Variants in MAP1B observed in about 807,000 individuals in gnomAD.
MAP1B encodes the protein microtubule associated protein 1B.
Under a neutral mutation model 176.1 loss-of-function variants are expected in MAP1B, and 12 were observed. The ratio of observed to expected loss-of-function variants is 0.07; its 90% CI spans 0.04 to 0.11. The LOEUF (loss-of-function observed/expected upper bound fraction) is 0.11. MAP1B is among the 10% of genes least tolerant of loss of function. The probability of loss-of-function intolerance (pLI) is 1.00; values close to 1 mark genes in which losing one functional copy is unlikely to be tolerated. For synonymous variants in MAP1B, 1,044 were observed against 1,135.0 expected (o/e 0.92, Z 1.61); for missense variants, 2,523 against 2,990.5 (o/e 0.84, Z 3.65).
chr5:72,114,162 GT>G (rs1745393799), intron 1 of MAP1B, among the ~76,000 whole-genome samples: 1 of 152,014 alleles, frequency 6.6e-6, no homozygotes, highest in African/African-American at 2.4e-5. Context: ...GAAAAGGTCT[GT>G]GGTGTGTAAT....
intron 2 of MAP1B, chr5:72,180,009 C>CTTCTT: frequency 2.4e-6 from 2 of 831,582 alleles, no homozygotes; most frequent in Non-Finnish European, 2.9e-6. Flanking sequence ...TGCCAGGGGC[C>CTTCTT]ACCTCGGCAG....
At chr5:72,154,758 G>A (rs1269675545) in intron 2 of MAP1B, among the ~76,000 whole-genome samples, 1 of 152,226 alleles carries the variant, frequency 6.6e-6, no homozygotes, top group African/African-American at 2.4e-5. Context: ...TAGTTCTGGA[G>A]ATTCCAGTAG....
At chr5:72,185,459 G>A (rs887777844) in intron 3 of MAP1B, among the ~76,000 whole-genome samples, 1 of 152,154 alleles carries the variant, frequency 6.6e-6, no homozygotes, top group Non-Finnish European at 1.5e-5. Flanking sequence ...GCCGGGCATG[G>A]TGTTGCATGC....
At chr5:72,188,603 T>A (rs2112221807) in intron 4 of MAP1B, among the ~76,000 whole-genome samples, 1 of 152,192 alleles carries the variant, frequency 6.6e-6, no homozygotes, top group East Asian at 1.9e-4. Flanking sequence ...ATAATATCCC[T>A]CCTTCCCCTT....
intron 2 of MAP1B, among the ~76,000 whole-genome samples, chr5:72,118,585 C>CCAGG (rs1745472177): frequency 6.6e-6 from 1 of 151,878 alleles, no homozygotes; most frequent in Non-Finnish European, 1.5e-5. Flanking sequence ...TGCATCAAAT[C>CCAGG]CAGGCTTCAA....
In MAP1B at chr5:72,194,852, G is replaced by A. The variant is rs2112232721; in HGVS notation, c.1497G>A (p.Leu499=). The part of the protein sequence containing the change: ...FPGNSTQYNI[L]EGLEKLKHLD... ...GGAACAGCACCCAGTACAACATCCT[G>A]GAAGGGTTGGAAAAGCTCAAACATC... Residue 499 remains leucine, a synonymous_variant, in exon 5 of 7, where the codon CTG becomes CTA. Transcript: ENST00000296755. The surrounding 1 kb of genome is among the most constrained non-coding windows in gnomAD (Gnocchi z 7.2). 1.2e-6 allele frequency: 2 copies of A among 1,614,146 alleles called. No homozygotes were observed. Among genetic ancestry groups the A allele is most frequent in the Non-Finnish European group, 1.7e-6 (2 of 1,180,024 alleles).
At chr5:72,175,966 A>G (rs928859121) in intron 2 of MAP1B, among the ~76,000 whole-genome samples, 2 of 152,256 alleles carry the variant, frequency 1.3e-5, no homozygotes, top group African/African-American at 4.8e-5. Context: ...GAGTTTTTTT[A>G]TTCTCTTAAG....
At chr5:72,184,188 C>T (rs948892940) in intron 3 of MAP1B, among the ~76,000 whole-genome samples, 1 of 152,188 alleles carries the variant, frequency 6.6e-6, no homozygotes, top group African/African-American at 2.4e-5. Context: ...ACATACAGGG[C>T]AAACCTGGAG....
intron 2 of MAP1B, among the ~76,000 whole-genome samples, chr5:72,151,772 T>A (rs1746144674): frequency 6.6e-6 from 1 of 152,232 alleles, no homozygotes; most frequent in East Asian, 1.9e-4. Flanking sequence ...CTCTCTGTGT[T>A]TTTTACAGTT....
At position 72,196,402 on chromosome 5, in the gene MAP1B, C is replaced by A. The variant is rs760583724; in HGVS notation, c.3047C>A (p.Ser1016Tyr). 2 of 1,613,926 alleles carry A rather than the reference C, an allele frequency of 1.2e-6. No homozygotes were observed. Among genetic ancestry groups the A allele is most frequent in the South Asian group, 2.2e-5 (2 of 91,058 alleles). The change falls in exon 5 of 7, where the codon TCT becomes TAT. Residue 1016 changes from serine (S) to tyrosine (Y), a missense_variant. Ser to Tyr is a moderately radical substitution (Grantham distance 144). Around this residue, in one of 4 missense-constraint regions of MAP1B, gnomAD observed 1,925 missense variants for 2,126.0 expected, o/e 0.91. Transcript: ENST00000296755. This position sits in a 1 kb window ranked among gnomAD's most constrained non-coding sequence, Gnocchi z 5.3. ...EAIEKGEAEQ[S>Y]EEEADEEDKA... ...ATTGAGAAAGGAGAGGCTGAACAAT[C>A]TGAAGAGGAGGCTGATGAGGAGGAC...
Position 72,159,502 on chromosome 5 carries a change from A to G in MAP1B, c.287-24241A>G, listed in dbSNP as rs146699262. Among the ~76,000 whole-genome samples, 57 of 152,340 alleles carry G rather than the reference A, an allele frequency of 3.7e-4. No homozygotes were observed. In the East Asian group the frequency reaches 0.01, roughly 27 times the overall value. Reference sequence around the variant, plus strand: ...GCCTACTTCCTGTGGACTAGCAAGTAAACACTGGGCCATCTTCAAGCTTGG... The same window carrying G: ...GCCTACTTCCTGTGGACTAGCAAGTGAACACTGGGCCATCTTCAAGCTTGG... On this transcript the variant is annotated intron_variant, in intron 2 of 6. Transcript: ENST00000296755.
chr5:72,118,071 G>C (rs559385104), intron 2 of MAP1B, among the ~76,000 whole-genome samples: 1 of 152,350 alleles, frequency 6.6e-6, no homozygotes, highest in East Asian at 1.9e-4. Flanking sequence ...GGAAAAATTT[G>C]AAGTCTGTTT....
In MAP1B at chr5:72,200,417, G is replaced by C. The variant is rs140614824; in HGVS notation, c.7012+50G>C. On this transcript the variant is annotated intron_variant, in intron 5 of 6. Transcript: ENST00000296755. The stretch of plus-strand genomic sequence containing the variant: ...GATATATGTCACAACCATTCTACTT[G>C]CGTTTACAGCCTTTATATTTCCCTG... 3,001 of 1,571,876 alleles carry C rather than the reference G, an allele frequency of 1.9e-3. 10 individuals carry two copies. Among genetic ancestry groups the C allele is most frequent in the Middle Eastern group, 3.5e-3 (17 of 4,916 alleles).
At position 72,208,891 on chromosome 5, in the gene MAP1B, A is replaced by AC. The variant is rs1446047791; in HGVS notation, c.*3653dup. The AC allele has an allele frequency of 1.3e-5, 2 of 150,936 alleles. No homozygotes were observed. The highest frequency in any genetic ancestry group is 1.9e-4 in the East Asian group (1 of 5,188). The allele number at this position is 150,936 out of a possible 1,614,324, so 9.3% of individuals were successfully genotyped here. A position where few individuals can be genotyped will look rare whatever the true frequency, so the allele number is the denominator to read the frequency against. On this transcript the variant is annotated 3_prime_UTR_variant, in exon 7 of 7. Coordinates refer to ENST00000296755, the MANE Select transcript of MAP1B (RefSeq NM_005909.5). ...AATGATATTGTGAGTTAGGATAATAACTTTTTTTTTTTGTGCTTCAGATTT... is the reference window on the plus strand; with the variant it reads ...AATGATATTGTGAGTTAGGATAATAACCTTTTTTTTTTTGTGCTTCAGATTT...
At chr5:72,115,396 G>T (rs1745414395) in intron 1 of MAP1B, among the ~76,000 whole-genome samples, 1 of 152,108 alleles carries the variant, frequency 6.6e-6, no homozygotes, top group African/African-American at 2.4e-5. Context: ...TCCCTCCCTG[G>T]AGTACAGCCT....
At chr5:72,133,610 A>G (rs985838624) in intron 2 of MAP1B, among the ~76,000 whole-genome samples, 5 of 152,228 alleles carry the variant, frequency 3.3e-5, no homozygotes, top group African/African-American at 1.2e-4. Flanking sequence ...TTTACAGAGG[A>G]TTTATGAAAA....
intron 2 of MAP1B, chr5:72,116,460 A>T: frequency 2.4e-6 from 1 of 421,986 alleles, no homozygotes; most frequent in Non-Finnish European, 4.6e-6. Context: ...AAAGGTAAGG[A>T]TGCAAAAATT....
chr5:72,175,300 C>A (rs1377979942), intron 2 of MAP1B, among the ~76,000 whole-genome samples: 1 of 151,994 alleles, frequency 6.6e-6, no homozygotes, highest in Non-Finnish European at 1.5e-5. Flanking sequence ...TTAAAGAGAC[C>A]TGGAGTTGGC....
intron 2 of MAP1B, among the ~76,000 whole-genome samples, chr5:72,178,314 C>G (rs115499694): frequency 6.6e-6 from 1 of 152,236 alleles, no homozygotes; most frequent in Non-Finnish European, 1.5e-5. Context: ...GAAAAACAGA[C>G]TTTAAAATCA....
Sources: allele counts gnomAD v4.1 joint callset (sites outside exome capture counted in the v4.1 genomes callset), GRCh38; gene constraint gnomAD v4.1.1; regional missense constraint gnomAD v4.1.1; non-coding constraint Gnocchi (gnomAD v3.1); transcripts MANE v1.5; gene names NCBI Gene and HGNC (gene_info 2026-07-23, HGNC 2026-07-21).